Variants in ZNF521 observed in about 807,000 individuals in gnomAD.
ZNF521 encodes the protein LYST-interacting protein 3.
ZNF521 carries 14 observed loss-of-function variants against 105.5 expected under a neutral mutation model. That is an observed-to-expected ratio of 0.13 (90% CI 0.09 to 0.21). ZNF521 has a LOEUF of 0.21. Among genes scored for constraint, ZNF521 ranks in the 10% least tolerant of loss-of-function variants. The probability of loss-of-function intolerance (pLI) is 1.00; values close to 1 mark genes in which losing one functional copy is unlikely to be tolerated. For synonymous variants in ZNF521, 635 were observed against 606.0 expected (o/e 1.05, Z -0.70); for missense variants, 1,233 against 1,629.7 (o/e 0.76, Z 4.19).
At chr18:25,177,520 C>T (rs1200799677) in intron 5 of ZNF521, among the ~76,000 whole-genome samples, 1 of 150,878 alleles carries the variant, frequency 6.6e-6, no homozygotes, top group Non-Finnish European at 1.5e-5. Flanking sequence ...TTCTGACTTA[C>T]AGGAATGCAA....
intron 3 of ZNF521, among the ~76,000 whole-genome samples, chr18:25,311,285 GC>G (rs1390402156): frequency 6.6e-6 from 1 of 150,976 alleles, no homozygotes; most frequent in Non-Finnish European, 1.5e-5. Context: ...ACTTTTAACA[GC>G]TTTTTTAGTA....
chr18:25,327,364 C>T, intron 2 of ZNF521: 1 of 972,534 alleles, frequency 1.0e-6, no homozygotes, highest in Non-Finnish European at 1.3e-6. Flanking sequence ...ACGTAATTAA[C>T]TGTCTAATGA....
intron 3 of ZNF521, among the ~76,000 whole-genome samples, chr18:25,283,703 C>T (rs565136990): frequency 2.0e-5 from 3 of 152,162 alleles, no homozygotes; most frequent in Non-Finnish European, 2.9e-5. Context: ...TTGGGTAAAT[C>T]TGAAAACATC....
At chr18:25,279,282 T>TACAGTAATG (rs1177976312) in intron 3 of ZNF521, among the ~76,000 whole-genome samples, 2 of 152,234 alleles carry the variant, frequency 1.3e-5, no homozygotes, top group Non-Finnish European at 2.9e-5. Flanking sequence ...TACAGCATTC[T>TACAGTAATG]ACAGTAATGA....
In ZNF521 at chr18:25,294,436, G is replaced by A. The variant is rs115696438; in HGVS notation, c.220+27572C>T. On this transcript the variant is annotated intron_variant, in intron 3 of 7. Transcript: ENST00000361524. ...TCTGACTCTGGAAAAACAGGTTTTC[G>A]TTTTTAAATTACTAGACACTAGTAG... 6.5e-3 allele frequency among the ~76,000 whole-genome samples: 988 copies of A among 152,220 alleles called. 10 individuals are homozygous for A. The highest frequency in any genetic ancestry group is 0.019 in the African/African-American group (789 of 41,540).
At chr18:25,098,655 C>T (rs553087660) in intron 5 of ZNF521, among the ~76,000 whole-genome samples, 50 of 152,208 alleles carry the variant, frequency 3.3e-4, no homozygotes, top group Admixed American at 1.4e-3. Flanking sequence ...TGTATGTCCT[C>T]CAGGTTTGAT....
chr18:25,141,093 C>T (rs957395869), intron 5 of ZNF521, among the ~76,000 whole-genome samples: 3 of 152,164 alleles, frequency 2.0e-5, no homozygotes, highest in African/African-American at 7.2e-5. Context: ...GAAAAGAAAA[C>T]TGAAAGCTTA....
chr18:25,211,682 T>C (rs1016732311), intron 4 of ZNF521, among the ~76,000 whole-genome samples: 3 of 152,234 alleles, frequency 2.0e-5, no homozygotes, highest in Admixed American at 6.5e-5. Context: ...AACCTGTAGC[T>C]TTTGTTTTCA....
chr18:25,138,525 TG>T lies in ZNF521; in HGVS notation c.3659-46445del, dbSNP rs1006065432. On this transcript the variant is annotated intron_variant, in intron 5 of 7. Coordinates refer to ENST00000361524, the MANE Select transcript of ZNF521 (RefSeq NM_015461.3). Reference sequence around the variant, plus strand: ...TGAGAAAGAGAGTGGAGGGTGGGGGTGGGGAGGACAGAGCTCAGGAAAAGCA... The same window carrying T: ...TGAGAAAGAGAGTGGAGGGTGGGGGTGGGAGGACAGAGCTCAGGAAAAGCA... Among the ~76,000 whole-genome samples, 3 of 70,584 alleles carry T rather than the reference TG, an allele frequency of 4.3e-5. No homozygotes were observed. The Admixed American group carries it at 5.5e-4, about 13-fold the overall frequency. 46.3% of individuals were successfully genotyped at this position (70,584 alleles called of 152,430 possible).
At chr18:25,324,689 C>T (rs1913115368) in intron 2 of ZNF521, among the ~76,000 whole-genome samples, 1 of 152,126 alleles carries the variant, frequency 6.6e-6, no homozygotes, top group African/African-American at 2.4e-5. Flanking sequence ...ATCCAGTTTG[C>T]AGACCTGTTT....
At chr18:25,126,681 A>C (rs949999729) in intron 5 of ZNF521, among the ~76,000 whole-genome samples, 4 of 152,108 alleles carry the variant, frequency 2.6e-5, no homozygotes, top group Non-Finnish European at 4.4e-5. Context: ...TATACTTTAA[A>C]ATTTCCTACA....
intron 5 of ZNF521, among the ~76,000 whole-genome samples, chr18:25,158,303 T>G (rs1263158040): frequency 6.6e-6 from 1 of 152,004 alleles, no homozygotes; most frequent in Non-Finnish European, 1.5e-5. Context: ...TTTGCATAAA[T>G]TTTTTAAAAG....
intron 3 of ZNF521, among the ~76,000 whole-genome samples, chr18:25,272,250 A>G (rs1909712529): frequency 6.6e-6 from 1 of 152,232 alleles, no homozygotes; most frequent in African/African-American, 2.4e-5. Flanking sequence ...ATCATTAAAA[A>G]GTCAGGAAAC....
At chr18:25,311,137 A>G (rs1345468862) in intron 3 of ZNF521, among the ~76,000 whole-genome samples, 1 of 152,180 alleles carries the variant, frequency 6.6e-6, no homozygotes, top group African/African-American at 2.4e-5. Flanking sequence ...GCCCTGAGGC[A>G]CAGTGTAGAA....
intron 3 of ZNF521, among the ~76,000 whole-genome samples, chr18:25,285,180 G>A (rs1910630050): frequency 6.6e-6 from 1 of 152,040 alleles, no homozygotes. Context: ...AGCTTCCCCT[G>A]GGGAGCTCTG....
At chr18:25,208,629 T>C (rs977413536) in intron 4 of ZNF521, among the ~76,000 whole-genome samples, 1 of 152,190 alleles carries the variant, frequency 6.6e-6, no homozygotes, top group Non-Finnish European at 1.5e-5. Context: ...ATGACCTTTA[T>C]CAAACATGTG....
chr18:25,166,249 G>C (rs2035339255), intron 5 of ZNF521, among the ~76,000 whole-genome samples: 2 of 152,082 alleles, frequency 1.3e-5, no homozygotes, highest in Non-Finnish European at 2.9e-5. Flanking sequence ...AATCAAACCT[G>C]TTGCTATATA....
intron 3 of ZNF521, among the ~76,000 whole-genome samples, chr18:25,271,024 C>T (rs1216565322): frequency 2.0e-5 from 3 of 152,062 alleles, no homozygotes; most frequent in Non-Finnish European, 2.9e-5. Flanking sequence ...TTTAGAAAAC[C>T]CCATCGTCTC....
chr18:25,278,475 C>T (rs1350612687), intron 3 of ZNF521, among the ~76,000 whole-genome samples: 1 of 152,200 alleles, frequency 6.6e-6, no homozygotes, highest in African/African-American at 2.4e-5. Flanking sequence ...TATGACCCTC[C>T]ACTAGCTGTG....
Sources: gnomAD v4.1 joint callset for allele counts (sites outside exome capture counted in the v4.1 genomes callset) on GRCh38, gnomAD v4.1.1 for gene constraint, MANE v1.5 for transcripts, NCBI Gene and HGNC (gene_info 2026-07-23, HGNC 2026-07-21) for gene names.